NOX5: variants seen among roughly 807,000 people sequenced by gnomAD.
NOX5 encodes NADPH oxidase 5.
NOX5 carries 76 observed loss-of-function variants against 85.7 expected under a neutral mutation model. The ratio of observed to expected loss-of-function variants is 0.89; its 90% CI spans 0.74 to 1.07. The LOEUF (loss-of-function observed/expected upper bound fraction) is 1.07. Among genes scored for constraint, NOX5 ranks in the 50% least tolerant of loss-of-function variants. The pLI is 0.00. For missense variants in NOX5, 973 were observed against 999.5 expected (o/e 0.97, Z 0.36); for synonymous variants, 405 against 401.4 (o/e 1.01, Z -0.11).
intron 10 of NOX5, chr15:69,045,964 G>A (rs550258657): frequency 6.6e-6 from 1 of 152,410 alleles, no homozygotes; most frequent in East Asian, 1.9e-4. Flanking sequence ...CAGGCAGCAG[G>A]AGACCCAGGC....
intron 9 of NOX5, 22 bp from the exon 10 acceptor site, chr15:69,042,641 C>A (rs371151988): frequency 3.7e-5 from 60 of 1,607,508 alleles, no homozygotes; most frequent in Non-Finnish European, 4.8e-5. Flanking sequence ...CTCCTTTCCC[C>A]TCCCACTCTT....
intron 14 of NOX5, among the ~76,000 whole-genome samples, chr15:69,053,582 A>G (rs947628988): frequency 6.6e-6 from 1 of 152,204 alleles, no homozygotes; most frequent in East Asian, 1.9e-4. Context: ...CTCATTCTCC[A>G]TAATCATAAA....
At chr15:69,026,074 T>G (rs1235895368) in intron 1 of NOX5, among the ~76,000 whole-genome samples, 8 of 152,262 alleles carry the variant, frequency 5.3e-5, no homozygotes, top group Non-Finnish European at 7.3e-5. Context: ...GCTCTGAGCC[T>G]ATTTCTTCTC....
chr15:69,053,021 C>A (rs1049755325), intron 14 of NOX5, among the ~76,000 whole-genome samples: 1 of 152,182 alleles, frequency 6.6e-6, no homozygotes, highest in South Asian at 2.1e-4. Context: ...CAAAGCCACT[C>A]GAGTCAACAA....
At chr15:69,053,751 C>A (rs1014531396) in intron 14 of NOX5, among the ~76,000 whole-genome samples, 4 of 152,140 alleles carry the variant, frequency 2.6e-5, no homozygotes, top group African/African-American at 9.7e-5. Flanking sequence ...TTTATCTTCT[C>A]CCTCCCACCA....
At chr15:69,045,526 T>C (rs2050651835) in intron 10 of NOX5, among the ~76,000 whole-genome samples, 1 of 128,030 alleles carries the variant, frequency 7.8e-6, no homozygotes, top group South Asian at 3.0e-4. Context: ...TTTCTTTCTC[T>C]TCCTTTCTTT....
chr15:69,051,616 C>T (rs965275168), intron 14 of NOX5, among the ~76,000 whole-genome samples: 1 of 152,146 alleles, frequency 6.6e-6, no homozygotes, highest in Non-Finnish European at 1.5e-5. Context: ...CTCAAGTGAT[C>T]TACCAGCTTT....
At position 69,062,538 on chromosome 15, in the gene NOX5, C is replaced by T. The variant is rs951634659; in HGVS notation, c.*5842C>T. The T allele has an allele frequency of 2.6e-5, 4 of 152,188 alleles. No homozygotes were observed. Among genetic ancestry groups the T allele is most frequent in the Non-Finnish European group, 5.9e-5 (4 of 68,048 alleles). 9.4% of individuals were successfully genotyped at this position (152,188 alleles called of 1,614,324 possible). A position where few individuals can be genotyped will look rare whatever the true frequency, so the allele number is the denominator to read the frequency against. ...ACCTCTCAGGTCTTGGCAATGTCCACCTTGCTTTTTTTACTTTAAATAGCA... is the reference window on the plus strand; with the variant it reads ...ACCTCTCAGGTCTTGGCAATGTCCATCTTGCTTTTTTTACTTTAAATAGCA... On this transcript the variant is annotated 3_prime_UTR_variant, in exon 16 of 16. Coordinates refer to ENST00000388866, the MANE Select transcript of NOX5 (RefSeq NM_024505.4).
At chr15:69,051,617 T>C (rs1219476517) in intron 14 of NOX5, among the ~76,000 whole-genome samples, 2 of 152,118 alleles carry the variant, frequency 1.3e-5, no homozygotes, top group African/African-American at 4.8e-5. Context: ...TCAAGTGATC[T>C]ACCAGCTTTG....
At chr15:69,026,675 G>A (rs751070157) in intron 2 of NOX5, 24 bp downstream of exon 2, 1 of 1,613,766 alleles carries the variant, frequency 6.2e-7, no homozygotes, top group Non-Finnish European at 8.5e-7. Flanking sequence ...CAAGGTGGAA[G>A]CCCTGCATTT....
rs962401031 is a variant in NOX5 at position 69,057,036 on chromosome 15, C to G, written c.*340C>G. On this transcript the variant is annotated 3_prime_UTR_variant, in exon 16 of 16. Coordinates refer to ENST00000388866, the MANE Select transcript of NOX5 (RefSeq NM_024505.4). Reference sequence around the variant, plus strand: ...AAACATTTTCCGACGGAGCCTTCCCCCACATCCATGGTCCCAAACCTGCCC... The same window carrying G: ...AAACATTTTCCGACGGAGCCTTCCCGCACATCCATGGTCCCAAACCTGCCC... 3 of 205,690 alleles carry G rather than the reference C, an allele frequency of 1.5e-5. No homozygotes were observed. The highest frequency in any genetic ancestry group is 1.0e-4 in the Admixed American group (2 of 19,272). 12.7% of individuals were successfully genotyped at this position (205,690 alleles called of 1,614,324 possible).
chr15:69,052,902 T>C (rs1170625718), intron 14 of NOX5, among the ~76,000 whole-genome samples: 1 of 152,230 alleles, frequency 6.6e-6, no homozygotes, highest in Non-Finnish European at 1.5e-5. Context: ...AAAGGAAAAG[T>C]TTAAATTTAA....
At chr15:69,047,349 C>T in intron 11 of NOX5, 64 bp from the exon 12 acceptor site, 1 of 1,490,822 alleles carries the variant, frequency 6.7e-7, no homozygotes. Context: ...GGGGACATCC[C>T]CTGGTAGCAG....
intron 1 of NOX5, among the ~76,000 whole-genome samples, chr15:69,019,322 G>A (rs546549666): frequency 4.2e-4 from 64 of 152,326 alleles, no homozygotes; most frequent in African/African-American, 1.5e-3. Context: ...CTGTGAACCG[G>A]CAACTTGAGA....
At chr15:69,025,381 A>G (rs929146340) in intron 1 of NOX5, among the ~76,000 whole-genome samples, 1 of 152,188 alleles carries the variant, frequency 6.6e-6, no homozygotes, top group African/African-American at 2.4e-5. Flanking sequence ...GAAAACACCA[A>G]CAAAAAGCAC....
chr15:69,018,047 G>A (rs955982232), intron 1 of NOX5, among the ~76,000 whole-genome samples: 8 of 152,224 alleles, frequency 5.3e-5, no homozygotes, highest in African/African-American at 1.9e-4. Context: ...ATCTGGGGCT[G>A]CAGAGAATGT....
At chr15:69,039,963 C>A (rs1335790352) in intron 9 of NOX5, among the ~76,000 whole-genome samples, 2 of 152,214 alleles carry the variant, frequency 1.3e-5, no homozygotes, top group African/African-American at 4.8e-5. Context: ...CCTTGAGTGA[C>A]CTATTACAGT....
Position 69,031,572 on chromosome 15 carries a change from C to T in NOX5, c.380C>T (p.Pro127Leu). 1.9e-6 allele frequency: 3 copies of T among 1,612,656 alleles called. No individual in the cohort carries two copies. Among genetic ancestry groups the T allele is most frequent in the Non-Finnish European group, 2.5e-6 (3 of 1,180,020 alleles). Residue 127 changes from proline to leucine, a missense_variant, in exon 4 of 16, where the codon CCG (proline) becomes CTG (leucine). Coordinates refer to ENST00000388866, the MANE Select transcript of NOX5 (RefSeq NM_024505.4). The stretch of plus-strand genomic sequence containing the variant: ...ACAGAGTGGGGTGCTGGGGCAGGCC[C>T]GCACTGGGCTTCATCCCCACTCGGG... Reference protein sequence around the residue: ...AGTEWGAGAGPHWASSPLGTG... With the variant: ...AGTEWGAGAGLHWASSPLGTG...
rs2050876639 is a variant in NOX5 at position 69,062,197 on chromosome 15, C to T, written c.*5501C>T. On this transcript the variant is annotated 3_prime_UTR_variant, in exon 16 of 16. Transcript: ENST00000388866. ...ATGCTTCTCAAGCACATTTCCTTCC[C>T]CACTGGCCCTGCCTTGGTTCAGTCC... is the stretch of plus-strand genomic sequence containing the variant. 2 of 152,152 alleles carry T rather than the reference C, an allele frequency of 1.3e-5. No individual in the cohort carries two copies. The highest frequency in any genetic ancestry group is 2.4e-5 in the African/African-American group (1 of 41,452). 9.4% of individuals were successfully genotyped at this position (152,152 alleles called of 1,614,324 possible).
Sources: allele counts gnomAD v4.1 joint callset (sites outside exome capture counted in the v4.1 genomes callset), GRCh38; gene constraint gnomAD v4.1.1; transcripts MANE v1.5; gene names NCBI Gene and HGNC (gene_info 2026-07-23, HGNC 2026-07-21).